The following ELP3 variants were observed in gnomAD, a reference collection of about 807,000 sequenced individuals.
ELP3 encodes the protein elongator acetyltransferase complex subunit 3, also known as elongator complex protein 3.
Under a neutral mutation model 74.9 loss-of-function variants are expected in ELP3, and 56 were observed. The ratio of observed to expected loss-of-function variants is 0.75; its 90% confidence interval spans 0.60 to 0.93. ELP3 has a LOEUF of 0.93. Among genes scored for constraint, ELP3 ranks in the 40% least tolerant of loss-of-function variants. The probability of loss-of-function intolerance (pLI) is 0.00; values close to 1 mark genes in which losing one functional copy is unlikely to be tolerated. For missense variants in ELP3, 573 were observed against 686.5 expected (o/e 0.83, Z 1.85); for synonymous variants, 222 against 239.8 (o/e 0.93, Z 0.68).
chr8:28,101,394 TG>T (rs1459862303), intron 3 of ELP3, among the ~76,000 whole-genome samples: 1 of 151,982 alleles, frequency 6.6e-6, no homozygotes, highest in Non-Finnish European at 1.5e-5. Flanking sequence ...CACTCCAGCC[TG>T]GGCGAAAAAG....
At chr8:28,100,305 G>A (rs1811424694) in intron 3 of ELP3, among the ~76,000 whole-genome samples, 1 of 152,226 alleles carries the variant, frequency 6.6e-6, no homozygotes, top group Non-Finnish European at 1.5e-5. Flanking sequence ...TTGAAAGGTA[G>A]TTAATGGTGC....
intron 3 of ELP3, among the ~76,000 whole-genome samples, chr8:28,101,692 C>T (rs957497619): frequency 5.9e-5 from 9 of 151,636 alleles, no homozygotes; most frequent in African/African-American, 1.9e-4. Context: ...CAGGTTCAAG[C>T]GATTCTTGTG....
chr8:28,112,246 C>T lies in ELP3; in HGVS notation c.463-773C>T, dbSNP rs145560622. ...TGCAACCTCCGCCTCCTGGTTCAAGCGATTCTCTTGCCTCAGCCTCCAGAG... is the reference window on the plus strand; with the variant it reads ...TGCAACCTCCGCCTCCTGGTTCAAGTGATTCTCTTGCCTCAGCCTCCAGAG... On this transcript the variant is annotated intron_variant, in intron 6 of 14. Coordinates refer to ENST00000256398, the MANE Select transcript of ELP3 (RefSeq NM_018091.6). Among the ~76,000 whole-genome samples, 1,385 of 152,036 alleles carry T rather than the reference C, an allele frequency of 9.1e-3. 16 individuals are homozygous for T. The highest frequency in any genetic ancestry group is 0.032 in the African/African-American group (1,323 of 41,456).
At chr8:28,124,020 T>A (rs1812479635) in intron 7 of ELP3, among the ~76,000 whole-genome samples, 1 of 152,222 alleles carries the variant, frequency 6.6e-6, no homozygotes, top group African/African-American at 2.4e-5. Flanking sequence ...ATGTAATTAT[T>A]GATACATCAG....
intron 1 of ELP3, among the ~76,000 whole-genome samples, chr8:28,096,486 A>G (rs1258437092): frequency 6.6e-6 from 1 of 152,186 alleles, no homozygotes; most frequent in Non-Finnish European, 1.5e-5. Flanking sequence ...GTCCCTGGAA[A>G]AAGACTGGCA....
At chr8:28,158,685 C>A in intron 12 of ELP3, 52 bp downstream of exon 12, 1 of 1,412,306 alleles carries the variant, frequency 7.1e-7, no homozygotes, top group Non-Finnish European at 1.0e-6. Flanking sequence ...AGATCTTTGC[C>A]AACCCTGGGC....
chr8:28,090,904 C>CTTTTT (rs71222535), upstream of ELP3, among the ~76,000 whole-genome samples: 5 of 77,390 alleles, frequency 6.5e-5, no homozygotes, highest in Non-Finnish European at 1.1e-4. Flanking sequence ...TAAATGTTTC[C>CTTTTT]TTTTTTTTTT....
chr8:28,128,878 A>C (rs1057308369), intron 7 of ELP3, among the ~76,000 whole-genome samples: 1 of 152,226 alleles, frequency 6.6e-6, no homozygotes, highest in Non-Finnish European at 1.5e-5. Context: ...GCATGAATCT[A>C]AAGTGGTGCT....
In ELP3 at chr8:28,110,285, G is replaced by A. The variant is rs988281405; in HGVS notation, c.394-85G>A. 90 of 1,175,654 alleles carry A rather than the reference G, an allele frequency of 7.7e-5. 1 individual carries two copies. Among genetic ancestry groups the A allele is most frequent in the Middle Eastern group, 5.7e-4 (3 of 5,234 alleles). 72.8% of individuals were successfully genotyped at this position (1,175,654 alleles called of 1,614,324 possible). Reference sequence around the variant, plus strand: ...CACGTTTTCAGTGTTCGGAACCATGGAGAGTTTTTTTTAAAATACAGTCCT... The same window carrying A: ...CACGTTTTCAGTGTTCGGAACCATGAAGAGTTTTTTTTAAAATACAGTCCT... On this transcript the variant is annotated intron_variant, in intron 5 of 14. Coordinates refer to ENST00000256398, the MANE Select transcript of ELP3 (RefSeq NM_018091.6).
intron 7 of ELP3, among the ~76,000 whole-genome samples, chr8:28,115,645 G>C (rs1812099986): frequency 6.6e-6 from 1 of 152,238 alleles, no homozygotes; most frequent in South Asian, 2.1e-4. Flanking sequence ...AGGAAGCTGA[G>C]GCACAGAGAG....
At chr8:28,176,663 ATC>A (rs1159963650) in intron 14 of ELP3, among the ~76,000 whole-genome samples, 1 of 152,186 alleles carries the variant, frequency 6.6e-6, no homozygotes, top group Non-Finnish European at 1.5e-5. Flanking sequence ...AGAAGGATGA[ATC>A]TCTGAAAATT....
intron 10 of ELP3, among the ~76,000 whole-genome samples, chr8:28,148,294 A>G (rs1813507662): frequency 6.6e-6 from 1 of 152,210 alleles, no homozygotes; most frequent in Non-Finnish European, 1.5e-5. Context: ...GGGTGTTGTC[A>G]TGATATTGAC....
intron 14 of ELP3, among the ~76,000 whole-genome samples, chr8:28,186,479 A>T (rs890688985): frequency 3.3e-5 from 5 of 152,202 alleles, no homozygotes; most frequent in African/African-American, 1.2e-4. Context: ...TTGGAAGACA[A>T]CTGCCCCCGT....
intron 14 of ELP3, among the ~76,000 whole-genome samples, 174 bp downstream of exon 14, chr8:28,162,252 A>T (rs1814128109): frequency 6.6e-6 from 1 of 152,194 alleles, no homozygotes; most frequent in Admixed American, 6.5e-5. Context: ...AGTTTAGTGG[A>T]ATAGAGATTT....
intron 7 of ELP3, among the ~76,000 whole-genome samples, chr8:28,123,620 A>G (rs892034570): frequency 2.0e-5 from 3 of 152,224 alleles, no homozygotes; most frequent in African/African-American, 4.8e-5. Context: ...ATCTCCAAGT[A>G]TGATTGAGGA....
chr8:28,188,246 T>C (rs1815319843), intron 14 of ELP3, among the ~76,000 whole-genome samples: 1 of 152,230 alleles, frequency 6.6e-6, no homozygotes, highest in South Asian at 2.1e-4. Flanking sequence ...CTTCAACTAG[T>C]TCATGTTCCT....
chr8:28,189,335 A>G (rs1815365414), intron 14 of ELP3, among the ~76,000 whole-genome samples: 1 of 152,268 alleles, frequency 6.6e-6, no homozygotes, highest in Admixed American at 6.5e-5. Flanking sequence ...TGGTGTTGCC[A>G]GTAGGGTAGT....
Position 28,118,968 on chromosome 8 carries a change from G to A in ELP3, c.617+5795G>A, listed in dbSNP as rs556370271. Reference sequence around the variant, plus strand: ...AAAGCTGAAGTGCTAGGTAATGCTAGGTACCAGGCCCAGAAGACAATTTCG... The same window carrying A: ...AAAGCTGAAGTGCTAGGTAATGCTAAGTACCAGGCCCAGAAGACAATTTCG... On this transcript the variant is annotated intron_variant, in intron 7 of 14. Coordinates refer to ENST00000256398, the MANE Select transcript of ELP3 (RefSeq NM_018091.6). 3 of 151,156 alleles carry A rather than the reference G, an allele frequency of 2.0e-5. No individual in the cohort carries two copies. In the South Asian group the frequency reaches 6.4e-4, roughly 32 times the overall value. The allele number at this position is 151,156 out of a possible 1,614,324, so 9.4% of individuals were successfully genotyped here.
At chr8:28,142,061 A>T (rs1015899458) in intron 10 of ELP3, among the ~76,000 whole-genome samples, 1 of 152,194 alleles carries the variant, frequency 6.6e-6, no homozygotes, top group African/African-American at 2.4e-5. Context: ...GCTTAATTTT[A>T]TAGACTTTTA....
Sources: allele counts gnomAD v4.1 joint callset (sites outside exome capture counted in the v4.1 genomes callset), GRCh38; gene constraint gnomAD v4.1.1; transcripts MANE v1.5; gene names NCBI Gene and HGNC (gene_info 2026-07-23, HGNC 2026-07-21).